The following ZNF814 variants were observed in gnomAD, a reference collection of about 807,000 sequenced individuals.
ZNF814 encodes the protein zinc finger protein 814.
A neutral mutation model predicts 7.5 loss-of-function variants in ZNF814; 5 were observed. That is an observed-to-expected ratio of 0.67 (90% CI 0.35 to 1.40). ZNF814 has a LOEUF of 1.40. Ranked by LOEUF, ZNF814 falls within the 40% of genes most tolerant of loss-of-function variation. ZNF814 has a pLI of 0.04. For missense variants in ZNF814, 962 were observed against 1,018.0 expected (o/e 0.94, Z 0.75); for synonymous variants, 315 against 340.7 (o/e 0.92, Z 0.83).
At chr19:57,878,650 C>T (rs905168503) in intron 1 of ZNF814, among the ~76,000 whole-genome samples, 7 of 151,952 alleles carry the variant, frequency 4.6e-5, no homozygotes, top group Non-Finnish European at 7.4e-5. Context: ...ATAGAGATGG[C>T]GTTTCACCAT....
chr19:57,869,708 G>C lies in ZNF814; in HGVS notation c.*3114C>G, dbSNP rs1028323436. The C allele has an allele frequency of 2.6e-5, 4 of 152,156 alleles. No individual in the cohort carries two copies. Among genetic ancestry groups the C allele is most frequent in the Non-Finnish European group, 5.9e-5 (4 of 68,036 alleles). The allele number at this position is 152,156 out of a possible 1,614,324, so 9.4% of individuals were successfully genotyped here. A position where few individuals can be genotyped will look rare whatever the true frequency, so the allele number is the denominator to read the frequency against. Reference sequence around the variant, plus strand: ...ACCTGTATTCCCACCACTCTGGGAGGCTGAGGCAGGCATATCACCTGAGGT... The same window carrying C: ...ACCTGTATTCCCACCACTCTGGGAGCCTGAGGCAGGCATATCACCTGAGGT... On this transcript the variant is annotated 3_prime_UTR_variant, in exon 3 of 3. Coordinates refer to ENST00000435989, the MANE Select transcript of ZNF814 (RefSeq NM_001144989.2).
chr19:57,873,577 C>A lies in ZNF814; in HGVS notation c.1813G>T (p.Glu605Ter), dbSNP rs747675766. The change falls in exon 3 of 3, where the codon GAG becomes TAG. Residue 605 changes from glutamate (E) to a stop codon, truncating the protein, a stop_gained. Transcript: ENST00000435989. LOFTEE classifies it low-confidence loss of function (END_TRUNC). ...AAAGATTTCCCACATTCTCCACACT[C>A]ATAAGGCCTCTCTCCAGTATGAACG... ...QRVHTGERPYECGECGKSFSH... is the reference protein window; with the variant it reads ...QRVHTGERPY 1 of 1,612,244 alleles carries A rather than the reference C, an allele frequency of 6.2e-7. No homozygotes were observed. Among genetic ancestry groups the A allele is most frequent in the Non-Finnish European group, 8.5e-7 (1 of 1,179,414 alleles).
chr19:57,885,360 G>A (rs776107100), intron 1 of ZNF814, among the ~76,000 whole-genome samples: 16 of 150,690 alleles, frequency 1.1e-4, no homozygotes, highest in Non-Finnish European at 2.4e-4. Context: ...GGGCGCGGTG[G>A]TGGCTCACAC....
Position 57,872,827 on chromosome 19 carries a change from T to A in ZNF814, c.2563A>T (p.Ile855Leu). 1 of 1,611,674 alleles carries A rather than the reference T, an allele frequency of 6.2e-7. No homozygotes were observed. The highest frequency in any genetic ancestry group is 8.5e-7 in the Non-Finnish European group (1 of 1,178,700). Residue 855 changes from isoleucine (I) to leucine (L), a missense_variant, in exon 3 of 3, where the codon ATA becomes TTA. Transcript: ENST00000435989. The part of the protein sequence containing the change: ...VHQSSHWRKA[I>L] ...CTTTCTGACAATCCTCACACTCATA[T>A]GGCTTTTCTCCAGTGTGAACTCTGG...
the ZNF814 span, among the ~76,000 whole-genome samples, chr19:57,902,891 G>A: frequency 9.7e-4 from 147 of 152,002 alleles, 1 homozygote; most frequent in East Asian, 0.025. Context: ...GTGTTAGCCA[G>A]GATGGTCTTG....
rs187776152 is a variant in ZNF814, at chr19:57,876,752, G to A, written c.163+164C>T. 106 of 1,175,960 alleles carry A rather than the reference G, an allele frequency of 9.0e-5. No homozygotes were observed. The African/African-American group carries it at 1.5e-3, about 17-fold the overall frequency. The allele number at this position is 1,175,960 out of a possible 1,614,324, so 72.8% of individuals were successfully genotyped here. A position where few individuals can be genotyped will look rare whatever the true frequency, so the allele number is the denominator to read the frequency against. On this transcript the variant is annotated intron_variant, in intron 2 of 2. Coordinates refer to ENST00000435989, the MANE Select transcript of ZNF814 (RefSeq NM_001144989.2). Reference sequence around the variant, plus strand: ...GTGTTGGGGCTGCTCCAAGAAAGGAGTAGGGCAGTATGTACACCTCAGACC... The same window carrying A: ...GTGTTGGGGCTGCTCCAAGAAAGGAATAGGGCAGTATGTACACCTCAGACC...
the ZNF814 span, among the ~76,000 whole-genome samples, chr19:57,896,271 TA>T: frequency 6.6e-6 from 1 of 151,814 alleles, no homozygotes; most frequent in Non-Finnish European, 1.5e-5. The surrounding 1 kb of genome is among the most constrained non-coding windows in gnomAD (Gnocchi z 4.2). Context: ...TGGGCATTGA[TA>T]AAGGCTGCTC....
chr19:57,898,605 AC>A, the ZNF814 span, among the ~76,000 whole-genome samples: 1 of 152,210 alleles, frequency 6.6e-6, no homozygotes, highest in Non-Finnish European at 1.5e-5. Flanking sequence ...CAAAAGGGAC[AC>A]ATAGAGCCTA....
rs760038978 is a variant in ZNF814, at chr19:57,873,080, C to G, written c.2310G>C (p.Lys770Asn). 2 of 1,613,746 alleles carry G rather than the reference C, an allele frequency of 1.2e-6. No individual in the cohort carries two copies. The highest frequency in any genetic ancestry group is 1.7e-6 in the Non-Finnish European group (2 of 1,179,896). Reference sequence around the variant, plus strand: ...TTCCACATTCACTGCACTCATAAGGCTTTTCTCCAGTGTGAATTCGCTTAT... The same window carrying G: ...TTCCACATTCACTGCACTCATAAGGGTTTTCTCCAGTGTGAATTCGCTTAT... ...CVHKRIHTGE[K>N]PYECSECGKS... Residue 770 changes from lysine (K) to asparagine (N), a missense_variant, in exon 3 of 3, where the codon AAG becomes AAC. Transcript: ENST00000435989.
chr19:57,888,639 C>T lies in ZNF814; in HGVS notation c.36+128G>A, dbSNP rs1219053494. ...ATCCCACGGGTGTCAGAAATGGGGC[C>T]CCTCCCGCAAGCGCCTCAGTGTCCC... is the stretch of plus-strand genomic sequence containing the variant. On this transcript the variant is annotated intron_variant, in intron 1 of 2. Coordinates refer to ENST00000435989, the MANE Select transcript of ZNF814 (RefSeq NM_001144989.2). 48 of 1,210,316 alleles carry T rather than the reference C, an allele frequency of 4.0e-5. No homozygotes were observed. The South Asian group carries it at 5.6e-4, about 14-fold the overall frequency. The allele number at this position is 1,210,316 out of a possible 1,614,324, so 75.0% of individuals were successfully genotyped here.
In ZNF814 at chr19:57,871,392, C is replaced by T. The variant is rs984816759; in HGVS notation, c.*1430G>A. 5.9e-5 allele frequency: 9 copies of T among 152,150 alleles called. No homozygotes were observed. The highest frequency in any genetic ancestry group is 2.2e-4 in the African/African-American group (9 of 41,444). 9.4% of individuals were successfully genotyped at this position (152,150 alleles called of 1,614,324 possible). A position where few individuals can be genotyped will look rare whatever the true frequency, so the allele number is the denominator to read the frequency against. On this transcript the variant is annotated 3_prime_UTR_variant, in exon 3 of 3. Transcript: ENST00000435989. ...AGCAGTCCACAAGTGGAGAAAGCTACATTCTGCATTCATACTGTTCCATGA... is the reference window on the plus strand; with the variant it reads ...AGCAGTCCACAAGTGGAGAAAGCTATATTCTGCATTCATACTGTTCCATGA...
chr19:57,879,594 C>T (rs1308225533), intron 1 of ZNF814, among the ~76,000 whole-genome samples: 1 of 148,238 alleles, frequency 6.7e-6, no homozygotes, highest in African/African-American at 2.5e-5. Context: ...GCTAACGCAC[C>T]TTAGTCCACA....
At chr19:57,899,714 C>T in the ZNF814 span, among the ~76,000 whole-genome samples, 2 of 152,158 alleles carry the variant, frequency 1.3e-5, no homozygotes, top group Non-Finnish European at 2.9e-5. Flanking sequence ...CCTATGCAGC[C>T]ATTACAGTTT....
chr19:57,882,595 C>A (rs2122453975), intron 1 of ZNF814, among the ~76,000 whole-genome samples: 1 of 122,100 alleles, frequency 8.2e-6, no homozygotes, highest in East Asian at 2.2e-4. Context: ...GAAGACCCAA[C>A]AAGAGTCTCT....
intron 1 of ZNF814, among the ~76,000 whole-genome samples, chr19:57,884,369 T>A (rs1274133202): frequency 6.6e-6 from 1 of 152,116 alleles, no homozygotes; most frequent in African/African-American, 2.4e-5. Context: ...TCATAGCAGT[T>A]TGGGAGACTG....
At chr19:57,890,008 A>G (rs2071725796), upstream of ZNF814, among the ~76,000 whole-genome samples, 1 of 152,242 alleles carries the variant, frequency 6.6e-6, no homozygotes, top group Non-Finnish European at 1.5e-5. Context: ...TAGTGTATGG[A>G]AAAATATTAT....
At chr19:57,895,703 G>A in the ZNF814 span, among the ~76,000 whole-genome samples, 1 of 152,018 alleles carries the variant, frequency 6.6e-6, no homozygotes, top group African/African-American at 2.4e-5. Context: ...ACCCAAAGTC[G>A]GCCAATTAGT....
the ZNF814 span, among the ~76,000 whole-genome samples, chr19:57,896,166 T>C: frequency 7.8e-6 from 1 of 128,652 alleles, no homozygotes; most frequent in African/African-American, 3.2e-5. This position sits in a 1 kb window ranked among gnomAD's most constrained non-coding sequence, Gnocchi z 4.2. Flanking sequence ...TGAGCGAGAC[T>C]CCATCTCAAA....
intron 1 of ZNF814, among the ~76,000 whole-genome samples, chr19:57,886,450 C>G (rs996602300): frequency 2.0e-5 from 3 of 152,150 alleles, no homozygotes; most frequent in African/African-American, 7.2e-5. Context: ...CTTCGGAAAA[C>G]CTTTAAAATC....
Sources: gnomAD v4.1 joint callset for allele counts (sites outside exome capture counted in the v4.1 genomes callset) on GRCh38, gnomAD v4.1.1 for gene constraint, Gnocchi (gnomAD v3.1) non-coding constraint, MANE v1.5 for transcripts, NCBI Gene and HGNC (gene_info 2026-07-23, HGNC 2026-07-21) for gene names.